Variants in IDS observed in about 807,000 individuals in gnomAD.
IDS encodes iduronate 2-sulfatase.
Under a neutral mutation model 33.5 loss-of-function variants are expected in IDS, and 1 was observed. The observed-to-expected ratio is 0.03, with a 90% CI of 0.01 to 0.14. IDS has a LOEUF of 0.14. Ranked by LOEUF, IDS falls within the 10% of genes least tolerant of loss-of-function variation. IDS has a pLI of 1.00. For missense variants in IDS, 328 were observed against 448.0 expected, an observed-to-expected ratio of 0.73 and a Z score of 2.42; for synonymous variants, 191 against 184.4, an observed-to-expected ratio of 1.04 and a Z score of -0.29.
chrX:149,495,755 C>T (rs782333150), intron 6 of IDS: 1 of 119,383 alleles, frequency 8.4e-6, no homozygotes, highest in South Asian at 3.1e-4. Context: ...GAAAGGGTGA[C>T]TGATGAGTCA....
intron 8 of IDS, among the ~76,000 whole-genome samples, chrX:149,483,702 G>A (rs960048972): frequency 8.9e-6 from 1 of 112,031 alleles, no homozygotes; most frequent in African/African-American, 3.3e-5. Context: ...CAGTTCAGTG[G>A]AATTAAGTAC....
At chrX:149,497,474 G>A (rs1390638650) in intron 5 of IDS, among the ~76,000 whole-genome samples, 1 of 112,203 alleles carries the variant, frequency 8.9e-6, no homozygotes, top group Non-Finnish European at 1.9e-5. Context: ...CAAGATACCT[G>A]CAACATCAAA....
In IDS at chrX:149,482,585, C is replaced by A; in HGVS notation, c.*161G>T. ...ATAAAGACTAAACGAAAAGGTTTGGCTGTTACATATTCTCAGGCCAAATTG... is the reference window on the plus strand; with the variant it reads ...ATAAAGACTAAACGAAAAGGTTTGGATGTTACATATTCTCAGGCCAAATTG... On this transcript the variant is annotated 3_prime_UTR_variant, in exon 9 of 9. Coordinates refer to ENST00000340855, the MANE Select transcript of IDS (RefSeq NM_000202.8). The A allele has an allele frequency of 1.2e-6, 1 of 800,511 alleles. No individual in the cohort carries two copies. Among genetic ancestry groups the A allele is most frequent in the Non-Finnish European group, 1.8e-6 (1 of 569,791 alleles). 66.0% of individuals were successfully genotyped at this position (800,511 alleles called of 1,213,427 possible). A position where few individuals can be genotyped will look rare whatever the true frequency, so the allele number is the denominator to read the frequency against.
In IDS at chrX:149,501,084, C is replaced by T. The variant is rs1228116308; in HGVS notation, c.419-47G>A. ...TTAAAACATGATGAGTCTTTCAACA[C>T]CCCACTCCCCATAATTAAAACTCTG... On this transcript the variant is annotated intron_variant, in intron 3 of 8. Transcript: ENST00000340855. The T allele has an allele frequency of 5.3e-6, 4 of 758,135 alleles. No homozygotes were observed. The African/African-American group carries it at 6.2e-5, about 12-fold the overall frequency. 62.5% of individuals were successfully genotyped at this position (758,135 alleles called of 1,213,427 possible).
At chrX:149,489,851 G>T (rs1020714359) in intron 7 of IDS, among the ~76,000 whole-genome samples, 1 of 110,846 alleles carries the variant, frequency 9.0e-6, no homozygotes, top group African/African-American at 3.3e-5. Flanking sequence ...ACAGCCTTAG[G>T]GGGAGATAAA....
At chrX:149,491,426 C>CA (rs2124024324) in intron 6 of IDS, 1 of 527,376 alleles carries the variant, frequency 1.9e-6, no homozygotes. Flanking sequence ...TCTTCCACCC[C>CA]AAAGAGGGGT....
intron 6 of IDS, among the ~76,000 whole-genome samples, chrX:149,495,237 AC>A (rs1417299775): frequency 8.9e-6 from 1 of 112,102 alleles, no homozygotes; most frequent in Non-Finnish European, 1.9e-5. Context: ...AAATTAGAAA[AC>A]AAACAGATGG....
chrX:149,491,324 C>T (rs1403047454), intron 6 of IDS, among the ~76,000 whole-genome samples: 2 of 112,582 alleles, frequency 1.8e-5, no homozygotes, highest in Non-Finnish European at 3.8e-5. Flanking sequence ...TGGGAACAGC[C>T]AGATCATGCC....
In IDS at chrX:149,487,170, C is replaced by T. The variant is rs894780148; in HGVS notation, c.1007-72G>A. ...ACCACAGCTTGTTTATTTTAGATAC[C>T]ATTTCATTTCCTGTTGTAAAAACCA... is the stretch of plus-strand genomic sequence containing the variant. On this transcript the variant is annotated intron_variant, in intron 7 of 8. Coordinates refer to ENST00000340855, the MANE Select transcript of IDS (RefSeq NM_000202.8). 34 of 1,206,407 alleles carry T rather than the reference C, an allele frequency of 2.8e-5. No individual in the cohort carries two copies. The Admixed American group carries it at 2.9e-4, about 10-fold the overall frequency.
chrX:149,497,547 A>T (rs1978981491), intron 5 of IDS, among the ~76,000 whole-genome samples: 1 of 112,530 alleles, frequency 8.9e-6, no homozygotes, highest in African/African-American at 3.2e-5. Flanking sequence ...AGTCAAAAGG[A>T]TGGGATGCTC....
chrX:149,487,279 T>G (rs2089345642), intron 7 of IDS, 181 bp from the exon 8 acceptor site: 2 of 1,207,652 alleles, frequency 1.7e-6, no homozygotes, highest in Non-Finnish European at 2.2e-6. Flanking sequence ...AATGCTGCTT[T>G]ATTCAAAATC....
In IDS at chrX:149,483,066, G is replaced by T. The variant is rs929376875; in HGVS notation, c.1333C>A (p.Arg445Ser). ...GKNLLKHFRF[R>S]DLEEDPYLPG... ...AGGTACGGATCCTCTTCCAAGTCAC[G>T]GAATCGAAAATGCTTCAGAAGGTTC... The change falls in exon 9 of 9, where the codon CGT (arginine) becomes AGT (serine). Residue 445 changes from arginine (R) to serine (S), a missense_variant. Arg to Ser is a moderately radical substitution (Grantham distance 110). This residue lies in a region of IDS where 265 missense variants were observed against 339.2 expected (regional missense o/e 0.78). Coordinates refer to ENST00000340855, the MANE Select transcript of IDS (RefSeq NM_000202.8). The T allele has an allele frequency of 2.7e-5, 33 of 1,205,152 alleles. No individual in the cohort carries two copies. The highest frequency in any genetic ancestry group is 3.7e-5 in the Non-Finnish European group (33 of 891,746).
At chrX:149,503,260 G>A in intron 3 of IDS, 52 bp downstream of exon 3, 1 of 1,189,423 alleles carries the variant, frequency 8.4e-7, no homozygotes, top group Non-Finnish European at 1.1e-6. Context: ...GGGAATGCTG[G>A]ATTCAGACAC....
At chrX:149,504,500 G>A (rs2089507573) in intron 1 of IDS, among the ~76,000 whole-genome samples, 1 of 111,571 alleles carries the variant, frequency 9.0e-6, no homozygotes, top group South Asian at 3.7e-4. Context: ...CTTTGGTCAT[G>A]GCCTCCAACC....
At chrX:149,502,269 T>A in intron 3 of IDS, 1 of 289,314 alleles carries the variant, frequency 3.5e-6, no homozygotes. Context: ...TCAAGCAACA[T>A]CACTCAGTCC....
rs782298535 is a variant in IDS, at chrX:149,487,685, T to C, written c.1007-587A>G. On this transcript the variant is annotated intron_variant, in intron 7 of 8. Transcript: ENST00000340855. ...AACCTCTCATTTCAGATCCTTAACC[T>C]CAATTAAAAACAACCCTTCATGCCT... Among the ~76,000 whole-genome samples, 8 of 112,399 alleles carry C rather than the reference T, an allele frequency of 7.1e-5. No individual in the cohort carries two copies. The South Asian group carries it at 1.8e-3, about 26-fold the overall frequency.
chrX:149,491,528 T>C, intron 6 of IDS: 1 of 960,583 alleles, frequency 1.0e-6, no homozygotes, highest in Non-Finnish European at 1.3e-6. Flanking sequence ...AGGACAATCA[T>C]GAGACTCACC....
Position 149,503,306 on chromosome X carries a change from C to T in IDS, c.418+6G>A. 2 of 1,209,410 alleles carry T rather than the reference C, an allele frequency of 1.7e-6. No individual in the cohort carries two copies. The highest frequency in any genetic ancestry group is 1.7e-5 in the African/African-American group (1 of 57,621). On this transcript the variant is annotated splice_donor_region_variant and intron_variant, in intron 3 of 8. Coordinates refer to ENST00000340855, the MANE Select transcript of IDS (RefSeq NM_000202.8). ...GAGAACCCAGACTCTGGACATGGAG[C>T]AGTACCAGGGTGAAAGACTTTTCCC...
At chrX:149,488,853 C>G (rs782261453) in intron 7 of IDS, among the ~76,000 whole-genome samples, 1 of 111,460 alleles carries the variant, frequency 9.0e-6, no homozygotes, top group South Asian at 3.8e-4. Flanking sequence ...CAGGAGGTTT[C>G]TGGCTCCTGC....
Sources: allele counts gnomAD v4.1 joint callset (sites outside exome capture counted in the v4.1 genomes callset), GRCh38; gene constraint gnomAD v4.1.1; regional missense constraint gnomAD v4.1.1; transcripts MANE v1.5; gene names NCBI Gene and HGNC (gene_info 2026-07-23, HGNC 2026-07-21).